The following NAB1 variants were observed in gnomAD, a reference collection of about 807,000 sequenced individuals.
The protein encoded by NAB1 is NGFI-A binding protein 1, also known as NGFI-A-binding protein 1.
In NAB1, 25 loss-of-function variants were observed where a neutral mutation model predicts 49.9. That is an observed-to-expected ratio of 0.50 (90% CI 0.37 to 0.70). The LOEUF (loss-of-function observed/expected upper bound fraction) is 0.70, where lower values mean the gene tolerates loss of function less well. Among genes scored for constraint, NAB1 ranks in the 30% least tolerant of loss-of-function variants. The pLI is 0.00. For synonymous variants in NAB1, 198 were observed against 215.6 expected (o/e 0.92, Z 0.71); for missense variants, 489 against 575.9 (o/e 0.85, Z 1.54).
Position 190,689,188 on chromosome 2 carries a change from T to A in NAB1, c.1376-1057T>A, listed in dbSNP as rs1411466861. On this transcript the variant is annotated intron_variant, in intron 9 of 9. Transcript: ENST00000337386. The surrounding 1 kb of genome is among the most constrained non-coding windows in gnomAD (Gnocchi z 4.3). Reference sequence around the variant, plus strand: ...AGGTTTCATACAGTGCAAGCCTGGGTCCAGATCTTAGCACCGATACTTGAC... The same window carrying A: ...AGGTTTCATACAGTGCAAGCCTGGGACCAGATCTTAGCACCGATACTTGAC... Among the ~76,000 whole-genome samples the A allele has an allele frequency of 6.6e-6, 1 of 152,128 alleles. No homozygotes were observed.
At position 190,666,474 on chromosome 2, in the gene NAB1, A is replaced by C. The variant is rs1694525062; in HGVS notation, c.820-3852A>C. Among the ~76,000 whole-genome samples the C allele has an allele frequency of 6.6e-6, 1 of 152,226 alleles. No individual in the cohort carries two copies. The highest frequency in any genetic ancestry group is 1.5e-5 in the Non-Finnish European group (1 of 68,040). On this transcript the variant is annotated intron_variant, in intron 4 of 9. Coordinates refer to ENST00000337386, the MANE Select transcript of NAB1 (RefSeq NM_005966.4). The surrounding 1 kb of genome is among the most constrained non-coding windows in gnomAD (Gnocchi z 5.6). Reference sequence around the variant, plus strand: ...GTAATCCCAGCACTTTGGGAGGCCAAGGTGGGTGGATTGCTTGAGGTCAGG... The same window carrying C: ...GTAATCCCAGCACTTTGGGAGGCCACGGTGGGTGGATTGCTTGAGGTCAGG...
In NAB1 at chr2:190,692,628, T is replaced by C. The variant is rs1419208895; in HGVS notation, c.*2295T>C. The C allele has an allele frequency of 6.6e-6, 1 of 152,656 alleles. No homozygotes were observed. The highest frequency in any genetic ancestry group is 1.5e-5 in the Non-Finnish European group (1 of 68,034). 9.5% of individuals were successfully genotyped at this position (152,656 alleles called of 1,614,324 possible). On this transcript the variant is annotated 3_prime_UTR_variant, in exon 10 of 10. Coordinates refer to ENST00000337386, the MANE Select transcript of NAB1 (RefSeq NM_005966.4). This position sits in a 1 kb window ranked among gnomAD's most constrained non-coding sequence, Gnocchi z 5.2. ...GGTTACCTCAGTATTACAGCCAATA[T>C]AGTCCAAGGGACCATTTCTCCCCGA...
Position 190,666,437 on chromosome 2 carries a change from T to A in NAB1, c.820-3889T>A, listed in dbSNP as rs1214582679. ...GCTAACTTTAAGAGGCCGGGCATGG[T>A]GGCTCACGCCTGTAATCCCAGCACT... On this transcript the variant is annotated intron_variant, in intron 4 of 9. Transcript: ENST00000337386. This position sits in a 1 kb window ranked among gnomAD's most constrained non-coding sequence, Gnocchi z 5.6. Among the ~76,000 whole-genome samples the A allele has an allele frequency of 6.6e-6, 1 of 152,250 alleles. No homozygotes were observed. The highest frequency in any genetic ancestry group is 1.5e-5 in the Non-Finnish European group (1 of 68,040).
chr2:190,658,800 T>TA (rs886293791), intron 3 of NAB1, among the ~76,000 whole-genome samples: 11 of 152,380 alleles, frequency 7.2e-5, no homozygotes, highest in African/African-American at 2.4e-4. Flanking sequence ...CTCTGCTTCT[T>TA]ACCTCCTGCT....
rs1471702321 is a variant in NAB1 at position 190,678,097 on chromosome 2, T to C, written c.1005+4945T>C. ...AAGAAATTTTCATTTGATATGCTGA[T>C]TGTTTATGAGTAAAAACCTTGTGTT... On this transcript the variant is annotated intron_variant, in intron 6 of 9. Coordinates refer to ENST00000337386, the MANE Select transcript of NAB1 (RefSeq NM_005966.4). This position sits in a 1 kb window ranked among gnomAD's most constrained non-coding sequence, Gnocchi z 4.9. 6.6e-6 allele frequency among the ~76,000 whole-genome samples: 1 copy of C among 152,240 alleles called. No individual in the cohort carries two copies. The highest frequency in any genetic ancestry group is 1.5e-5 in the Non-Finnish European group (1 of 68,036).
At position 190,683,771 on chromosome 2, in the gene NAB1, A is replaced by G. The variant is rs1383141107; in HGVS notation, c.1039A>G (p.Thr347Ala). Residue 347 changes from threonine (T) to alanine (A), a missense_variant, in exon 7 of 10, where the codon ACA (threonine) becomes GCA (alanine). Physicochemically the swap from Thr to Ala is moderately conservative, Grantham distance 58 (BLOSUM62 0). Transcript: ENST00000337386. ...TCCAGATTTCCAGGATTCTGTGCAA[A>G]CACTCTTCCAGCAGGCTAGAGCTAA... ...GFPDFQDSVQ[T>A]LFQQARAKSE... The G allele has an allele frequency of 1.9e-6, 3 of 1,613,778 alleles. No individual in the cohort carries two copies. Among genetic ancestry groups the G allele is most frequent in the South Asian group, 2.2e-5 (2 of 90,966 alleles).
In NAB1 at chr2:190,679,626, A is replaced by AAC. The variant is rs1170971779; in HGVS notation, c.1006-4111_1006-4110dup. Among the ~76,000 whole-genome samples the AAC allele has an allele frequency of 2.3e-3, 356 of 152,278 alleles. 5 individuals carry two copies. The highest frequency in any genetic ancestry group is 7.9e-3 in the African/African-American group (330 of 41,552). On this transcript the variant is annotated intron_variant, in intron 6 of 9. Coordinates refer to ENST00000337386, the MANE Select transcript of NAB1 (RefSeq NM_005966.4). This position sits in a 1 kb window ranked among gnomAD's most constrained non-coding sequence, Gnocchi z 5.3. ...TGCGTTACTTTATTTAATCCCCACAAACTTCCAGTGGGCAGATACACAGGT... is the reference window on the plus strand; with the variant it reads ...TGCGTTACTTTATTTAATCCCCACAAACACTTCCAGTGGGCAGATACACAGGT...
intron 6 of NAB1, among the ~76,000 whole-genome samples, chr2:190,673,570 G>C (rs12622264): frequency 6.6e-6 from 1 of 151,984 alleles, no homozygotes; most frequent in Non-Finnish European, 1.5e-5. Context: ...ATTTGCAATC[G>C]GTGTTTCTTA....
Position 190,679,911 on chromosome 2 carries a change from C to T in NAB1, c.1006-3827C>T, listed in dbSNP as rs890762809. Among the ~76,000 whole-genome samples the T allele has an allele frequency of 6.6e-6, 1 of 151,932 alleles. No individual in the cohort carries two copies. Among genetic ancestry groups the T allele is most frequent in the African/African-American group, 2.4e-5 (1 of 41,340 alleles). ...TACCCCAAGCTCCAAACTCACTGCC[C>T]CTGCTTACCTGGCTTATCTACACAC... is the stretch of plus-strand genomic sequence containing the variant. On this transcript the variant is annotated intron_variant, in intron 6 of 9. Coordinates refer to ENST00000337386, the MANE Select transcript of NAB1 (RefSeq NM_005966.4). This position sits in a 1 kb window ranked among gnomAD's most constrained non-coding sequence, Gnocchi z 5.3.
intron 9 of NAB1, among the ~76,000 whole-genome samples, chr2:190,687,761 A>C (rs1018608093): frequency 6.6e-6 from 1 of 152,188 alleles, no homozygotes; most frequent in Admixed American, 6.5e-5. Context: ...AACTCATGAA[A>C]GTTGAGATTA....
At chr2:190,683,002 C>A (rs533154337) in intron 6 of NAB1, among the ~76,000 whole-genome samples, 1 of 152,270 alleles carries the variant, frequency 6.6e-6, no homozygotes, top group South Asian at 2.1e-4. Context: ...CAGTGTTTTT[C>A]ATAAAACCAA....
intron 5 of NAB1, among the ~76,000 whole-genome samples, chr2:190,671,755 T>G (rs1298860434): frequency 2.7e-5 from 4 of 149,538 alleles, no homozygotes; most frequent in Non-Finnish European, 5.9e-5. Context: ...CTCTAGTATT[T>G]ACCTTCACCT....
In NAB1 at chr2:190,659,099, G is replaced by T; in HGVS notation, c.-19-59G>T. On this transcript the variant is annotated intron_variant, in intron 3 of 9. Coordinates refer to ENST00000337386, the MANE Select transcript of NAB1 (RefSeq NM_005966.4). The surrounding 1 kb of genome is among the most constrained non-coding windows in gnomAD (Gnocchi z 6.2). ...TTAAAACCTGTAGTGTAACCTATTTGGTGTAAGGAGTTTGAAGCAAGTATG... is the reference window on the plus strand; with the variant it reads ...TTAAAACCTGTAGTGTAACCTATTTTGTGTAAGGAGTTTGAAGCAAGTATG... The T allele has an allele frequency of 1.8e-6, 2 of 1,111,344 alleles. No individual in the cohort carries two copies. The highest frequency in any genetic ancestry group is 1.3e-6 in the Non-Finnish European group (1 of 786,840). 68.8% of individuals were successfully genotyped at this position (1,111,344 alleles called of 1,614,324 possible). A position where few individuals can be genotyped will look rare whatever the true frequency, so the allele number is the denominator to read the frequency against.
At chr2:190,664,800 C>A (rs955165946) in intron 4 of NAB1, among the ~76,000 whole-genome samples, 2 of 151,542 alleles carry the variant, frequency 1.3e-5, no homozygotes, top group African/African-American at 4.8e-5. Flanking sequence ...TTATATATAT[C>A]TTTTATAAAT....
chr2:190,683,622 T>G, intron 6 of NAB1, 116 bp from the exon 7 acceptor site: 1 of 667,840 alleles, frequency 1.5e-6, no homozygotes, highest in Non-Finnish European at 2.5e-6. Context: ...ACCATTAAAA[T>G]CTTAATCATG....
At chr2:190,683,681 A>G (rs539589193) in intron 6 of NAB1, 57 bp from the exon 7 acceptor site, 7 of 1,268,678 alleles carry the variant, frequency 5.5e-6, no homozygotes, top group Non-Finnish European at 7.8e-6. Context: ...CAAGTTTTTG[A>G]TAATATTTTA....
Position 190,686,485 on chromosome 2 carries a change from C to T in NAB1, c.1259-716C>T, listed in dbSNP as rs1202405032. Among the ~76,000 whole-genome samples, 1 of 152,142 alleles carries T rather than the reference C, an allele frequency of 6.6e-6. No homozygotes were observed. The highest frequency in any genetic ancestry group is 1.5e-5 in the Non-Finnish European group (1 of 68,028). On this transcript the variant is annotated intron_variant, in intron 8 of 9. Coordinates refer to ENST00000337386, the MANE Select transcript of NAB1 (RefSeq NM_005966.4). The surrounding 1 kb of genome is among the most constrained non-coding windows in gnomAD (Gnocchi z 5.5). ...TACCATCTTAACAAGGATTCTCCAG[C>T]CATGGACTGAAATATTACATGTGTC...
chr2:190,664,550 CTT>C (rs1694397386), intron 4 of NAB1, among the ~76,000 whole-genome samples: 1 of 137,300 alleles, frequency 7.3e-6, no homozygotes, highest in Admixed American at 7.3e-5. Context: ...TCCTTCCTTC[CTT>C]CCTTCCTTTC....
rs79255283 is a variant in NAB1 at position 190,663,044 on chromosome 2, C to T, written c.819+3049C>T. ...GAGGAGGAATGCTGAATCTGAGAAC[C>T]GCATAAACGTGGTCACATTATTAAG... On this transcript the variant is annotated intron_variant, in intron 4 of 9. Coordinates refer to ENST00000337386, the MANE Select transcript of NAB1 (RefSeq NM_005966.4). This position sits in a 1 kb window ranked among gnomAD's most constrained non-coding sequence, Gnocchi z 4.2. Among the ~76,000 whole-genome samples, 635 of 152,248 alleles carry T rather than the reference C, an allele frequency of 4.2e-3. 11 individuals are homozygous for T. In the East Asian group the frequency reaches 0.046, roughly 11 times the overall value.
Sources: allele counts gnomAD v4.1 joint callset (sites outside exome capture counted in the v4.1 genomes callset), GRCh38; gene constraint gnomAD v4.1.1; non-coding constraint Gnocchi (gnomAD v3.1); transcripts MANE v1.5; gene names NCBI Gene and HGNC (gene_info 2026-07-23, HGNC 2026-07-21).